Variants in PCDHA12 observed in about 807,000 individuals in gnomAD.
The protein encoded by PCDHA12 is protocadherin alpha-12.
PCDHA12 carries 44 observed loss-of-function variants against 60.0 expected under a neutral mutation model. The observed-to-expected ratio is 0.73, with a 90% CI of 0.58 to 0.94. The LOEUF (loss-of-function observed/expected upper bound fraction) is 0.94. Among genes scored for constraint, PCDHA12 ranks in the 40% least tolerant of loss-of-function variants. The pLI is 0.00. For synonymous variants in PCDHA12, 569 were observed against 553.0 expected, an observed-to-expected ratio of 1.03 and a Z score of -0.40; for missense variants, 1,276 against 1,239.7, an observed-to-expected ratio of 1.03 and a Z score of -0.44.
intron 1 of PCDHA12, among the ~76,000 whole-genome samples, chr5:140,971,957 AC>A (rs1360214556): frequency 6.6e-6 from 1 of 152,060 alleles, no homozygotes; most frequent in Non-Finnish European, 1.5e-5. Flanking sequence ...GACTCCAAAA[AC>A]TTTTTTTCAA....
chr5:140,886,327 A>G (rs2060943233), intron 1 of PCDHA12, among the ~76,000 whole-genome samples: 1 of 152,162 alleles, frequency 6.6e-6, no homozygotes, highest in Admixed American at 6.5e-5. Flanking sequence ...GTTCTGGGAT[A>G]CATGTGCAGA....
chr5:140,933,780 T>G (rs1404194841), intron 1 of PCDHA12, among the ~76,000 whole-genome samples: 2 of 152,124 alleles, frequency 1.3e-5, no homozygotes, highest in Non-Finnish European at 2.9e-5. Flanking sequence ...TACAGTTTTC[T>G]TTGTAGGAAA....
chr5:140,915,876 G>A (rs1373834228), intron 1 of PCDHA12, among the ~76,000 whole-genome samples: 1 of 152,136 alleles, frequency 6.6e-6, no homozygotes, highest in East Asian at 1.9e-4. Context: ...CTTCCCTTTA[G>A]GGTAGCAAGT....
intron 1 of PCDHA12, among the ~76,000 whole-genome samples, chr5:140,963,325 C>T (rs1156299692): frequency 2.0e-5 from 3 of 152,156 alleles, no homozygotes; most frequent in Non-Finnish European, 4.4e-5. Flanking sequence ...ATTAGAATTA[C>T]ACAGATAAAT....
rs934481202 is a variant in PCDHA12, at chr5:140,902,279, C to A, written c.2367+24440C>A. On this transcript the variant is annotated intron_variant, in intron 1 of 3. Coordinates refer to ENST00000398631, the MANE Select transcript of PCDHA12 (RefSeq NM_018903.4). ...TCTCGAACTCCTGGGCTCAAGCAATCCTCCTGCCTCAGCCTCCCAAAGTGC... is the reference window on the plus strand; with the variant it reads ...TCTCGAACTCCTGGGCTCAAGCAATACTCCTGCCTCAGCCTCCCAAAGTGC... Among the ~76,000 whole-genome samples the A allele has an allele frequency of 2.7e-5, 4 of 148,452 alleles. No individual in the cohort carries two copies. The Admixed American group carries it at 2.7e-4, about 10-fold the overall frequency.
Position 141,009,916 on chromosome 5 carries a change from G to T in PCDHA12, c.2805G>T (p.Thr935=). The change falls in exon 4 of 4, where the codon ACG becomes ACT. Residue 935 remains threonine, a synonymous_variant. Coordinates refer to ENST00000398631, the MANE Select transcript of PCDHA12 (RefSeq NM_018903.4). ...AGAAAAAAGAGAAAGGGAACAGCAC[G>T]ACTGACAACAGTGACCAGTGAGGTC... ...TQEKKEKGNS[T]TDNSDQ The T allele has an allele frequency of 6.2e-7, 1 of 1,611,502 alleles. No individual in the cohort carries two copies. Among genetic ancestry groups the T allele is most frequent in the South Asian group, 1.1e-5 (1 of 90,550 alleles).
chr5:140,956,259 A>G (rs534711265), intron 1 of PCDHA12, among the ~76,000 whole-genome samples: 1 of 152,252 alleles, frequency 6.6e-6, no homozygotes, highest in African/African-American at 2.4e-5. Flanking sequence ...GGTTTTGCCC[A>G]TTCAGTGTGG....
rs1554169813 is a variant in PCDHA12 at position 140,877,533 on chromosome 5, G to A, written c.2061G>A (p.Val687=). ...CGTCGCGGGCCTCAGTGGGCGCTGT[G>A]GATCCCGAAGCGGCTCTGGTGGATA... is the stretch of plus-strand genomic sequence containing the variant. ...KTSSRASVGA[V]DPEAALVDIN... Residue 687 remains valine, a synonymous_variant, in exon 1 of 4, where the codon GTG becomes GTA. Transcript: ENST00000398631. 1.2e-6 allele frequency: 2 copies of A among 1,613,790 alleles called. No homozygotes were observed. The highest frequency in any genetic ancestry group is 2.2e-5 in the South Asian group (2 of 91,084).
chr5:140,955,932 A>T (rs907189668), intron 1 of PCDHA12, among the ~76,000 whole-genome samples: 2 of 152,106 alleles, frequency 1.3e-5, no homozygotes, highest in Non-Finnish European at 2.9e-5. Flanking sequence ...GTTCATTCAT[A>T]ATATGGCTGT....
At chr5:140,936,849 G>A (rs927747848) in intron 1 of PCDHA12, among the ~76,000 whole-genome samples, 1 of 152,006 alleles carries the variant, frequency 6.6e-6, no homozygotes, top group Non-Finnish European at 1.5e-5. Context: ...TGTAGATTCA[G>A]CTTCTCAGTT....
intron 1 of PCDHA12, chr5:140,927,285 G>T: frequency 1.9e-6 from 3 of 1,614,154 alleles, no homozygotes; most frequent in Non-Finnish European, 2.5e-6. Context: ...ACGTGCAGCT[G>T]CACATCCCCG....
intron 3 of PCDHA12, among the ~76,000 whole-genome samples, chr5:141,006,898 C>A (rs2098293427): frequency 6.6e-6 from 1 of 152,152 alleles, no homozygotes; most frequent in East Asian, 1.9e-4. Context: ...TTTCAGATTT[C>A]TTCAGTTTGG....
At chr5:141,005,442 G>A (rs529691807) in intron 3 of PCDHA12, among the ~76,000 whole-genome samples, 39 of 152,092 alleles carry the variant, frequency 2.6e-4, no homozygotes, top group Middle Eastern at 3.4e-3. Context: ...AGAGGCTCAC[G>A]CCTGTAATCC....
chr5:140,938,026 A>T (rs2091889452), intron 1 of PCDHA12, among the ~76,000 whole-genome samples: 1 of 152,144 alleles, frequency 6.6e-6, no homozygotes, highest in Non-Finnish European at 1.5e-5. Context: ...GTAAAATCTC[A>T]TATTTTTATA....
At chr5:140,991,417 C>G (rs782178829) in intron 3 of PCDHA12, among the ~76,000 whole-genome samples, 79 of 152,196 alleles carry the variant, frequency 5.2e-4, no homozygotes, top group Admixed American at 1.5e-3. Context: ...TATGCTATAA[C>G]AAATTAACCA....
At chr5:140,928,729 G>A (rs2085477021) in intron 1 of PCDHA12, 1 of 1,613,996 alleles carries the variant, frequency 6.2e-7, no homozygotes, top group Non-Finnish European at 8.5e-7. Context: ...TAGAATTTCA[G>A]CCAATATAGG....
intron 1 of PCDHA12, among the ~76,000 whole-genome samples, chr5:140,975,853 C>T (rs1419464318): frequency 6.6e-6 from 1 of 152,126 alleles, no homozygotes; most frequent in African/African-American, 2.4e-5. Context: ...AATACTACAT[C>T]ACCCATATGG....
intron 1 of PCDHA12, among the ~76,000 whole-genome samples, chr5:140,953,003 A>G (rs2094831963): frequency 6.6e-6 from 1 of 152,190 alleles, no homozygotes; most frequent in Non-Finnish European, 1.5e-5. Context: ...CTCTCTCACT[A>G]TTATGAGAAC....
chr5:140,966,792 C>A (rs1182470326), intron 1 of PCDHA12: 3 of 1,530,564 alleles, frequency 2.0e-6, no homozygotes, highest in Admixed American at 1.9e-5. Context: ...ACCAGACCTG[C>A]GGCGACAGAG....
Sources: allele counts gnomAD v4.1 joint callset (sites outside exome capture counted in the v4.1 genomes callset), GRCh38; gene constraint gnomAD v4.1.1; transcripts MANE v1.5; gene names NCBI Gene and HGNC (gene_info 2026-07-23, HGNC 2026-07-21).